Variants in CCDC191 observed in about 807,000 individuals in gnomAD.
CCDC191 encodes the protein coiled-coil domain-containing protein 191.
A neutral mutation model predicts 114.0 loss-of-function variants in CCDC191; 99 were observed. That is an observed-to-expected ratio of 0.87 (90% CI 0.74 to 1.03). The LOEUF is 1.03. Ranked by LOEUF, CCDC191 falls within the 50% of genes least tolerant of loss-of-function variation. The pLI is 0.00. For missense variants in CCDC191, 973 were observed against 1,087.0 expected, an observed-to-expected ratio of 0.90 and a Z score of 1.47; for synonymous variants, 351 against 376.0, an observed-to-expected ratio of 0.93 and a Z score of 0.77.
chr3:113,978,773 C>G (rs1364349852), intron 15 of CCDC191, 85 bp downstream of exon 15: 1 of 1,421,366 alleles, frequency 7.0e-7, no homozygotes. Context: ...ACATAATGAC[C>G]CTGGACATTC....
In CCDC191 at chr3:114,036,643, C is replaced by T. The variant is rs765216580; in HGVS notation, c.559G>A (p.Asp187Asn). Reference protein sequence around the residue: ...KENQDKKQQKDPRLTMEMRHK... With the variant: ...KENQDKKQQKNPRLTMEMRHK... ...CTCATCTCCATGGTAAGACGAGGAT[C>T]CTTCTGCTGCTTCTTGTCTTGGTTT... The change falls in exon 5 of 17, where the codon GAT becomes AAT. Residue 187 changes from aspartate (D) to asparagine (N), a missense_variant. Transcript: ENST00000295878. 5.0e-6 allele frequency: 8 copies of T among 1,603,694 alleles called. No homozygotes were observed. In the East Asian group the frequency reaches 1.8e-4, roughly 36 times the overall value.
intron 3 of CCDC191, among the ~76,000 whole-genome samples, chr3:114,043,849 T>C (rs2076595354): frequency 6.6e-6 from 1 of 152,040 alleles, no homozygotes; most frequent in South Asian, 2.1e-4. Context: ...GAGGTGGAGT[T>C]GACATGACTT....
intron 7 of CCDC191, among the ~76,000 whole-genome samples, chr3:114,027,366 G>A (rs1343334813): frequency 1.3e-5 from 2 of 152,098 alleles, no homozygotes; most frequent in South Asian, 2.1e-4. Flanking sequence ...CTGTAATCCC[G>A]ATGCTTTGGG....
chr3:114,013,368 C>T (rs1014950613), intron 8 of CCDC191, among the ~76,000 whole-genome samples: 1 of 152,204 alleles, frequency 6.6e-6, no homozygotes, highest in African/African-American at 2.4e-5. Flanking sequence ...GATAGTTCCA[C>T]TACTGTTTTC....
In CCDC191 at chr3:113,978,324, A is replaced by G. The variant is rs1316875337; in HGVS notation, c.2468T>C (p.Ile823Thr). Residue 823 changes from isoleucine to threonine, a missense_variant, in exon 16 of 17, where the codon ATT becomes ACT. By Grantham distance (89) the Ile-to-Thr change is moderately conservative. Transcript: ENST00000295878. ...RVIQSWLQYV[I>T]DLQEEVRKFC... ...TTTTCTTACTTCTTCCTGCAGATCA[A>G]TCACGTACTGGGGATGAAGACAGAA... is the stretch of plus-strand genomic sequence containing the variant. 7 of 1,613,936 alleles carry G rather than the reference A, an allele frequency of 4.3e-6. No individual in the cohort carries two copies. In the South Asian group the frequency reaches 4.4e-5, roughly 10 times the overall value.
Position 114,005,540 on chromosome 3 carries a change from T to C in CCDC191, c.1836A>G (p.Glu612=). The C allele has an allele frequency of 6.2e-7, 1 of 1,612,046 alleles. No individual in the cohort carries two copies. The highest frequency in any genetic ancestry group is 8.5e-7 in the Non-Finnish European group (1 of 1,179,290). ...AQSHLLSKPR[E]EEPRTCQMLV... The stretch of plus-strand genomic sequence containing the variant: ...GCATCTGGCAGGTTCTTGGTTCCTC[T>C]TCTCTGGGCTTTGACAGCAGGTGGC... Residue 612 remains glutamate, a synonymous_variant, in exon 10 of 17, where the codon GAA becomes GAG. Transcript: ENST00000295878.
intron 16 of CCDC191, 128 bp downstream of exon 16, chr3:113,978,057 AC>A: frequency 1.0e-6 from 1 of 975,846 alleles, no homozygotes. Context: ...CGGGACTCCC[AC>A]CCCTGACTGG....
chr3:114,011,524 T>C (rs763808155), intron 8 of CCDC191, among the ~76,000 whole-genome samples: 1 of 152,158 alleles, frequency 6.6e-6, no homozygotes, highest in Non-Finnish European at 1.5e-5. Flanking sequence ...ACACTGAGGG[T>C]TGATCTTGTG....
intron 7 of CCDC191, among the ~76,000 whole-genome samples, chr3:114,029,752 T>C (rs2076377730): frequency 6.6e-6 from 1 of 152,106 alleles, no homozygotes. Flanking sequence ...TCACATCTTA[T>C]AGCATTCTTA....
At chr3:114,048,758 T>C (rs2076663477) in intron 2 of CCDC191, among the ~76,000 whole-genome samples, 1 of 152,248 alleles carries the variant, frequency 6.6e-6, no homozygotes, top group African/African-American at 2.4e-5. Flanking sequence ...CATCTTATCG[T>C]ATATTTAATC....
chr3:114,042,620 C>T (rs2076578117), intron 4 of CCDC191, 83 bp downstream of exon 4: 5 of 1,124,880 alleles, frequency 4.4e-6, no homozygotes, highest in South Asian at 2.1e-5. Context: ...AAATATGTAT[C>T]ATTTGTTATT....
In CCDC191 at chr3:114,000,933, G is replaced by A. The variant is rs145958670; in HGVS notation, c.2163+662C>T. On this transcript the variant is annotated intron_variant, in intron 13 of 16. Transcript: ENST00000295878. ...CCTCCCAAAAGTTCTGGGATTACAG[G>A]TGTGAGCCACAATGTCTGGCCCCTT... Among the ~76,000 whole-genome samples the A allele has an allele frequency of 9.8e-4, 149 of 152,170 alleles. 2 individuals carry two copies. The highest frequency in any genetic ancestry group is 3.4e-3 in the African/African-American group (142 of 41,498).
At chr3:113,990,908 C>T (rs1159391874) in intron 13 of CCDC191, among the ~76,000 whole-genome samples, 2 of 123,570 alleles carry the variant, frequency 1.6e-5, no homozygotes, top group African/African-American at 3.1e-5. Context: ...GACTAGCCTG[C>T]GCAACATAGT....
intron 14 of CCDC191, 104 bp from the exon 15 acceptor site, chr3:113,979,114 G>A (rs1205597958): frequency 1.9e-5 from 20 of 1,045,422 alleles, no homozygotes; most frequent in East Asian, 5.2e-5. Flanking sequence ...TTAGGCAGTC[G>A]GTAGAGAATA....
At chr3:114,026,100 CT>C (rs1559918899) in intron 7 of CCDC191, among the ~76,000 whole-genome samples, 1 of 151,950 alleles carries the variant, frequency 6.6e-6, no homozygotes, top group African/African-American at 2.4e-5. Flanking sequence ...GTAATCAGTA[CT>C]TTTTTTGAAA....
chr3:113,975,986 G>A (rs1487265), intron 16 of CCDC191, among the ~76,000 whole-genome samples: 33,598 of 152,098 alleles, frequency 0.22, 4,486 homozygotes, highest in Middle Eastern at 0.37. Flanking sequence ...GGCCAGGCAA[G>A]ATGGCTCACA....
intron 3 of CCDC191, among the ~76,000 whole-genome samples, chr3:114,043,782 GC>G (rs2107750518): frequency 6.6e-6 from 1 of 152,260 alleles, no homozygotes; most frequent in East Asian, 1.9e-4. Context: ...GGTGATGGTG[GC>G]CTGGATCTGG....
intron 11 of CCDC191, chr3:114,003,216 CTCTATAA>C (rs1298266801): frequency 2.0e-6 from 2 of 985,216 alleles, no homozygotes; most frequent in Non-Finnish European, 2.4e-6. Flanking sequence ...GATAATATGA[CTCTATAA>C]TCAGTTGGGG....
chr3:114,047,264 G>T, intron 2 of CCDC191: 1 of 310,142 alleles, frequency 3.2e-6, no homozygotes, highest in Non-Finnish European at 4.7e-6. Flanking sequence ...TAACTCAACA[G>T]CAAGAGTCTA....
Sources: gnomAD v4.1 joint callset for allele counts (sites outside exome capture counted in the v4.1 genomes callset) on GRCh38, gnomAD v4.1.1 for gene constraint, MANE v1.5 for transcripts, NCBI Gene and HGNC (gene_info 2026-07-23, HGNC 2026-07-21) for gene names.